Variants in BCL2 observed in about 807,000 individuals in gnomAD.
The protein encoded by BCL2 is BCL2 apoptosis regulator, also known as apoptosis regulator Bcl-2.
In BCL2, 1 loss-of-function variant was observed where a neutral mutation model predicts 14.2. The observed-to-expected ratio is 0.07, with a 90% CI of 0.02 to 0.33. The LOEUF is 0.33. Among genes scored for constraint, BCL2 ranks in the 10% least tolerant of loss-of-function variants. The pLI, the probability that BCL2 is intolerant of heterozygous loss-of-function variation, is 0.99. For missense variants in BCL2, 247 were observed against 305.9 expected (o/e 0.81, Z 1.44); for synonymous variants, 151 against 137.2 (o/e 1.10, Z -0.70).
In BCL2 at chr18:63,166,340, G is replaced by A. The variant is rs1008669574; in HGVS notation, c.586-37581C>T. Among the ~76,000 whole-genome samples the A allele has an allele frequency of 2.6e-5, 4 of 152,154 alleles. No homozygotes were observed. In the East Asian group the frequency reaches 5.8e-4, roughly 22 times the overall value. On this transcript the variant is annotated intron_variant, in intron 2 of 2. Transcript: ENST00000333681. ...GGATTTGGACTGGGGGATGTAAGGC[G>A]AGGAGTCAAGCCAGCTCCAGGACCC... is the stretch of plus-strand genomic sequence containing the variant.
chr18:63,278,419 T>C (rs907894119), intron 2 of BCL2, among the ~76,000 whole-genome samples: 9 of 152,336 alleles, frequency 5.9e-5, no homozygotes, highest in East Asian at 1.9e-4. Context: ...TTCTGTCTTA[T>C]AGAATCCAGT....
intron 2 of BCL2, among the ~76,000 whole-genome samples, chr18:63,275,013 G>T (rs183051206): frequency 2.6e-5 from 4 of 152,200 alleles, no homozygotes; most frequent in African/African-American, 9.6e-5. Context: ...AGTTTTGTGT[G>T]TGGCCCCTGC....
At chr18:63,217,573 G>C (rs1049947344) in intron 2 of BCL2, among the ~76,000 whole-genome samples, 1 of 152,170 alleles carries the variant, frequency 6.6e-6, no homozygotes, top group African/African-American at 2.4e-5. Context: ...ATCAAATCTT[G>C]TCTTGACAAC....
In BCL2 at chr18:63,229,932, T is replaced by C. The variant is rs146750688; in HGVS notation, c.585+88150A>G. On this transcript the variant is annotated intron_variant, in intron 2 of 2. Coordinates refer to ENST00000333681, the MANE Select transcript of BCL2 (RefSeq NM_000633.3). Reference sequence around the variant, plus strand: ...ACACACATGATCTGCCAGAAGCATATAGTGGGAGATTTTTAGTACACATCT... The same window carrying C: ...ACACACATGATCTGCCAGAAGCATACAGTGGGAGATTTTTAGTACACATCT... 2.0e-3 allele frequency among the ~76,000 whole-genome samples: 304 copies of C among 152,282 alleles called. 2 individuals carry two copies. The highest frequency in any genetic ancestry group is 3.1e-3 in the Non-Finnish European group (208 of 68,028).
chr18:63,216,165 T>C (rs923046324), intron 2 of BCL2, among the ~76,000 whole-genome samples: 20 of 152,116 alleles, frequency 1.3e-4, no homozygotes, highest in African/African-American at 3.6e-4. Context: ...TGCTTTTCTC[T>C]ATTTTCCGGA....
At chr18:63,236,356 G>A (rs1910828522) in intron 2 of BCL2, among the ~76,000 whole-genome samples, 2 of 152,218 alleles carry the variant, frequency 1.3e-5, no homozygotes, top group Non-Finnish European at 2.9e-5. Flanking sequence ...AGGTAGGAGA[G>A]TGTTAATATG....
At chr18:63,139,156 C>T (rs535557670) in intron 2 of BCL2, among the ~76,000 whole-genome samples, 5 of 152,284 alleles carry the variant, frequency 3.3e-5, no homozygotes, top group South Asian at 2.1e-4. Context: ...TCCCTACTGC[C>T]GCACTAGCTA....
chr18:63,310,581 A>G (rs1003469369), intron 2 of BCL2, among the ~76,000 whole-genome samples: 1 of 152,184 alleles, frequency 6.6e-6, no homozygotes, highest in Non-Finnish European at 1.5e-5. Flanking sequence ...CTTGAAGGCA[A>G]AAGTTATCTT....
chr18:63,189,674 T>C (rs891300020), intron 2 of BCL2, among the ~76,000 whole-genome samples: 3 of 151,918 alleles, frequency 2.0e-5, no homozygotes, highest in Admixed American at 6.6e-5. Context: ...GAATTATACC[T>C]GGGAAAACGA....
chr18:63,277,770 C>A (rs1213301809), intron 2 of BCL2, among the ~76,000 whole-genome samples: 1 of 151,964 alleles, frequency 6.6e-6, no homozygotes, highest in African/African-American at 2.4e-5. Context: ...CCACCCTTTG[C>A]TAGGTAAAGA....
At chr18:63,190,948 C>G (rs1439202019) in intron 2 of BCL2, among the ~76,000 whole-genome samples, 1 of 152,152 alleles carries the variant, frequency 6.6e-6, no homozygotes, top group East Asian at 1.9e-4. Context: ...TGAGAACATG[C>G]AGTGTTTGGT....
At chr18:63,213,308 A>G (rs556474650) in intron 2 of BCL2, among the ~76,000 whole-genome samples, 1 of 152,280 alleles carries the variant, frequency 6.6e-6, no homozygotes, top group South Asian at 2.1e-4. Context: ...TATTTTAGTC[A>G]ATATGATTTG....
At chr18:63,314,688 T>A (rs1913443144) in intron 2 of BCL2, 1 of 152,182 alleles carries the variant, frequency 6.6e-6, no homozygotes, top group African/African-American at 2.4e-5. Flanking sequence ...CCCTTTGTCT[T>A]AAAGAAGCTG....
rs187890776 is a variant in BCL2 at position 63,182,482 on chromosome 18, C to T, written c.586-53723G>A. ...ATCCTAACACCTGATGGACAAAATG[C>T]GTCCTTGGCTGGCCTCTGCAGAGAA... On this transcript the variant is annotated intron_variant, in intron 2 of 2. Transcript: ENST00000333681. Among the ~76,000 whole-genome samples, 12 of 152,320 alleles carry T rather than the reference C, an allele frequency of 7.9e-5. No individual in the cohort carries two copies. The East Asian group carries it at 1.5e-3, about 20-fold the overall frequency.
intron 2 of BCL2, among the ~76,000 whole-genome samples, chr18:63,256,463 C>T (rs1000617221): frequency 1.1e-4 from 16 of 152,182 alleles, no homozygotes; most frequent in East Asian, 1.9e-4. Context: ...GTGATCTGCC[C>T]GCCTTGACCT....
rs142578745 is a variant in BCL2, at chr18:63,237,250, C to CGG, written c.585+80830_585+80831dup. On this transcript the variant is annotated intron_variant, in intron 2 of 2. Coordinates refer to ENST00000333681, the MANE Select transcript of BCL2 (RefSeq NM_000633.3). ...CCATCCCATCCAAGGAGTAAACAGG[C>CGG]GGGGGGGAGGTGGGCGTGGCCTCGA... is the stretch of plus-strand genomic sequence containing the variant. 2.0e-3 allele frequency among the ~76,000 whole-genome samples: 311 copies of CGG among 152,044 alleles called. 2 individuals carry two copies. Among genetic ancestry groups the CGG allele is most frequent in the African/African-American group, 7.2e-3 (297 of 41,444 alleles).
intron 2 of BCL2, among the ~76,000 whole-genome samples, chr18:63,274,447 G>T (rs1912093931): frequency 6.6e-6 from 1 of 151,616 alleles, no homozygotes; most frequent in South Asian, 2.1e-4. Context: ...ACCATGCCCG[G>T]GTAATTTTTG....
chr18:63,302,691 T>C, intron 2 of BCL2: 6 of 984,710 alleles, frequency 6.1e-6, no homozygotes, highest in Non-Finnish European at 6.0e-6. Context: ...AAGAGATATA[T>C]AAATAAATGA....
At chr18:63,221,107 G>A (rs1910380472) in intron 2 of BCL2, among the ~76,000 whole-genome samples, 1 of 152,172 alleles carries the variant, frequency 6.6e-6, no homozygotes, top group South Asian at 2.1e-4. Flanking sequence ...CACTCTTTGA[G>A]GTCAGTCCCA....
Sources: gnomAD v4.1 joint callset for allele counts (sites outside exome capture counted in the v4.1 genomes callset) on GRCh38, gnomAD v4.1.1 for gene constraint, MANE v1.5 for transcripts, NCBI Gene and HGNC (gene_info 2026-07-23, HGNC 2026-07-21) for gene names.